TENM1: variants seen among roughly 807,000 people sequenced by gnomAD.
The protein encoded by TENM1 is teneurin transmembrane protein 1.
TENM1 carries 35 observed loss-of-function variants against 174.8 expected under a neutral mutation model. The observed-to-expected ratio is 0.20, with a 90% CI of 0.15 to 0.27. The LOEUF is 0.27. Among genes scored for constraint, TENM1 ranks in the 10% least tolerant of loss-of-function variants. The probability of loss-of-function intolerance (pLI) is 1.00; values close to 1 mark genes in which losing one functional copy is unlikely to be tolerated. For synonymous variants in TENM1, 781 were observed against 798.7 expected (o/e 0.98, Z 0.37); for missense variants, 1,633 against 2,130.1 (o/e 0.77, Z 4.59).
At chrX:124,839,211 T>C (rs1239929062) in intron 3 of TENM1, among the ~76,000 whole-genome samples, 1 of 111,677 alleles carries the variant, frequency 9.0e-6, no homozygotes, top group African/African-American at 3.3e-5. Flanking sequence ...TTATGCAAAT[T>C]TTAGGAGTAA....
the TENM1 span, among the ~76,000 whole-genome samples, chrX:125,101,460 C>G: frequency 8.9e-6 from 1 of 111,954 alleles, no homozygotes; most frequent in African/African-American, 3.3e-5. Context: ...TCTGAATACA[C>G]TAATGACTTT....
At chrX:125,007,148 G>T in the TENM1 span, among the ~76,000 whole-genome samples, 13,260 of 110,836 alleles carry the variant, frequency 0.12, 629 homozygotes, top group South Asian at 0.21. Context: ...TTACAGAGCT[G>T]CTAACTAGAA....
the TENM1 span, among the ~76,000 whole-genome samples, chrX:124,996,708 G>A: frequency 1.8e-5 from 2 of 110,565 alleles, no homozygotes; most frequent in Non-Finnish European, 3.8e-5. Flanking sequence ...AAGCAATTTC[G>A]AAGGTACAGC....
intron 11 of TENM1, among the ~76,000 whole-genome samples, chrX:124,577,300 C>T (rs1293668725): frequency 9.0e-6 from 1 of 111,232 alleles, no homozygotes; most frequent in African/African-American, 3.3e-5. Context: ...TGGGCAGGGG[C>T]TGCATACATA....
intron 11 of TENM1, among the ~76,000 whole-genome samples, chrX:124,623,314 T>G (rs1446076634): frequency 9.0e-6 from 1 of 110,955 alleles, no homozygotes; most frequent in East Asian, 2.8e-4. Flanking sequence ...TGAGAGTGTA[T>G]AAGGGTTGTT....
At chrX:125,052,121 A>G in the TENM1 span, among the ~76,000 whole-genome samples, 1 of 112,294 alleles carries the variant, frequency 8.9e-6, no homozygotes, top group Non-Finnish European at 1.9e-5. Flanking sequence ...CCATCAGAGA[A>G]ATGCAAATCA....
the TENM1 span, among the ~76,000 whole-genome samples, chrX:125,009,284 G>C: frequency 9.0e-6 from 1 of 110,972 alleles, no homozygotes; most frequent in Non-Finnish European, 1.9e-5. Context: ...ACAAAAGCTA[G>C]AATAAATGGA....
chrX:125,080,148 T>A, the TENM1 span, among the ~76,000 whole-genome samples: 14 of 110,826 alleles, frequency 1.3e-4, no homozygotes, highest in African/African-American at 4.6e-4. Context: ...AGATTCTCGA[T>A]CCCACCTCCC....
intron 27 of TENM1, among the ~76,000 whole-genome samples, 182 bp downstream of exon 30, chrX:124,404,849 C>T (rs375760916): frequency 3.6e-5 from 4 of 111,435 alleles, no homozygotes; most frequent in Non-Finnish European, 5.6e-5. Flanking sequence ...GAACCATTAT[C>T]GGCCATTAGC....
chrX:124,513,496 A>G (rs1252957646), intron 18 of TENM1, among the ~76,000 whole-genome samples: 1 of 111,760 alleles, frequency 8.9e-6, no homozygotes, highest in Non-Finnish European at 1.9e-5. Context: ...TAACATATTC[A>G]TGGTTTCCAA....
At chrX:125,091,909 C>CAGGA in the TENM1 span, among the ~76,000 whole-genome samples, 96 of 100,580 alleles carry the variant, frequency 9.5e-4, no homozygotes, top group African/African-American at 3.4e-3. Context: ...CGTTTGAACC[C>CAGGA]AGGAGGTGGA....
chrX:124,472,330 T>TAAAAAAAAAAAAAA (rs34695864), intron 22 of TENM1, among the ~76,000 whole-genome samples: 2 of 18,680 alleles, frequency 1.1e-4, no homozygotes, highest in African/African-American at 4.6e-4. Flanking sequence ...ATGCTTGACG[T>TAAAAAAAAAAAAAA]AAAAAAAAAA....
chrX:124,503,035 A>G, intron 19 of TENM1, among the ~76,000 whole-genome samples: 1 of 111,830 alleles, frequency 8.9e-6, no homozygotes, highest in Non-Finnish European at 1.9e-5. Context: ...GGGCTTCAGT[A>G]CATTCTGATC....
intron 20 of TENM1, among the ~76,000 whole-genome samples, chrX:124,495,831 G>A (rs2047187619): frequency 9.7e-6 from 1 of 103,388 alleles, no homozygotes; most frequent in South Asian, 4.6e-4. Context: ...TCCCCATCAA[G>A]CTACCAATGC....
intron 18 of TENM1, among the ~76,000 whole-genome samples, chrX:124,509,096 C>A (rs375604079): frequency 9.8e-6 from 1 of 101,539 alleles, no homozygotes; most frequent in African/African-American, 3.5e-5. Context: ...CACACAAACA[C>A]ACACACACAC....
chrX:124,940,398 A>T (rs1023495075), intron 1 of TENM1, among the ~76,000 whole-genome samples: 16 of 111,858 alleles, frequency 1.4e-4, no homozygotes, highest in African/African-American at 5.2e-4. Flanking sequence ...AAAAATATAA[A>T]TACTATATTG....
the TENM1 span, among the ~76,000 whole-genome samples, chrX:124,990,503 T>A: frequency 2.7e-5 from 3 of 112,770 alleles, no homozygotes; most frequent in Non-Finnish European, 1.9e-5. Flanking sequence ...AAATTATTCA[T>A]CAAAGCTGGC....
chrX:124,408,656 T>C (rs898539292), intron 25 of TENM1, among the ~76,000 whole-genome samples: 1 of 111,537 alleles, frequency 9.0e-6, no homozygotes, highest in African/African-American at 3.3e-5. Flanking sequence ...CTTTCTTTTT[T>C]ACAATAGTAA....
chrX:124,483,593 G>A (rs1161890626), intron 21 of TENM1, among the ~76,000 whole-genome samples: 1 of 112,026 alleles, frequency 8.9e-6, no homozygotes, highest in Non-Finnish European at 1.9e-5. Flanking sequence ...TTACTCTAAG[G>A]CCTCATCATC....
Sources: allele counts gnomAD v4.1 joint callset (sites outside exome capture counted in the v4.1 genomes callset), GRCh38; gene constraint gnomAD v4.1.1; transcripts MANE v1.5; gene names NCBI Gene and HGNC (gene_info 2026-07-23, HGNC 2026-07-21).